KIF1A: variants seen among roughly 807,000 people sequenced by gnomAD.
The protein encoded by KIF1A is kinesin family member 1A.
A neutral mutation model predicts 227.3 loss-of-function variants in KIF1A; 46 were observed. That is an observed-to-expected ratio of 0.20 (90% confidence interval 0.16 to 0.26). KIF1A has a LOEUF of 0.26. Ranked by LOEUF, KIF1A falls within the 10% of genes least tolerant of loss-of-function variation. The pLI is 1.00. For synonymous variants in KIF1A, 1,022 were observed against 1,012.8 expected (o/e 1.01, Z -0.17); for missense variants, 1,683 against 2,485.9 (o/e 0.68, Z 6.87).
chr2:240,767,063 AT>A, intron 18 of KIF1A, 42 bp from the exon 19 acceptor site: 1 of 1,488,108 alleles, frequency 6.7e-7, no homozygotes, highest in East Asian at 2.3e-5. Context: ...CTGGGACCCA[AT>A]ACACCCAGGA....
rs898410979 is a variant in KIF1A, at chr2:240,717,536, C to T, written c.5334-130G>A. On this transcript the variant is annotated intron_variant, in intron 48 of 48. Coordinates refer to ENST00000498729, the MANE Select transcript of KIF1A (RefSeq NM_001244008.2). Reference sequence around the variant, plus strand: ...CCCATGTCCCCGCTGGTTCCCTCACCACCTGGGGAAGGGACTGAATCTCTG... The same window carrying T: ...CCCATGTCCCCGCTGGTTCCCTCACTACCTGGGGAAGGGACTGAATCTCTG... 19 of 788,096 alleles carry T rather than the reference C, an allele frequency of 2.4e-5. No individual in the cohort carries two copies. The African/African-American group carries it at 3.0e-4, about 13-fold the overall frequency. 48.8% of individuals were successfully genotyped at this position (788,096 alleles called of 1,614,324 possible). A position where few individuals can be genotyped will look rare whatever the true frequency, so the allele number is the denominator to read the frequency against.
At chr2:240,809,695 G>C (rs2057708838) in intron 1 of KIF1A, among the ~76,000 whole-genome samples, 1 of 142,274 alleles carries the variant, frequency 7.0e-6, no homozygotes, top group African/African-American at 2.8e-5. Flanking sequence ...TTGAGACAGA[G>C]TCTCACTCTG....
chr2:240,772,459 A>G, intron 14 of KIF1A, 111 bp downstream of exon 14: 1 of 883,598 alleles, frequency 1.1e-6, no homozygotes. Flanking sequence ...AAGGAGAAGA[A>G]AGCAGAGCAG....
chr2:240,745,042 G>A (rs1440208797), intron 32 of KIF1A, among the ~76,000 whole-genome samples: 11 of 152,204 alleles, frequency 7.2e-5, no homozygotes, highest in South Asian at 2.1e-4. Flanking sequence ...CTCTCGGGAC[G>A]TTGCCGGCAC....
chr2:240,772,628 G>C, intron 13 of KIF1A, 32 bp from the exon 14 acceptor site: 1 of 1,515,796 alleles, frequency 6.6e-7, no homozygotes, highest in Non-Finnish European at 9.0e-7. Flanking sequence ...GGGAGGGGGA[G>C]AGACAGAGAA....
At chr2:240,746,628 C>T (rs975507238) in intron 29 of KIF1A, among the ~76,000 whole-genome samples, 6 of 152,172 alleles carry the variant, frequency 3.9e-5, no homozygotes, top group Non-Finnish European at 5.9e-5. Context: ...TTCCAGGTGA[C>T]GGCACGGCCA....
At chr2:240,733,121 C>T (rs2046942393) in intron 38 of KIF1A, among the ~76,000 whole-genome samples, 1 of 151,930 alleles carries the variant, frequency 6.6e-6, no homozygotes, top group Non-Finnish European at 1.5e-5. Context: ...TGCCTTTAAT[C>T]CCACAGGATG....
intron 10 of KIF1A, among the ~76,000 whole-genome samples, chr2:240,780,594 G>A (rs1032683044): frequency 1.3e-5 from 2 of 151,696 alleles, no homozygotes; most frequent in African/African-American, 2.4e-5. Flanking sequence ...TGGCACACAC[G>A]TCCTGTCCCG....
At chr2:240,718,861 C>G (rs2044897355) in intron 47 of KIF1A, 145 bp downstream of exon 47, 1 of 656,826 alleles carries the variant, frequency 1.5e-6, no homozygotes, top group Admixed American at 3.0e-5. Context: ...GGCTGAGTCC[C>G]TGAGCCCAGC....
rs2126126546 is a variant in KIF1A, at chr2:240,793,749, A to C, written c.106+3898T>G. ...CGGGATAACAGTTAAATTTACTTTC[A>C]AATGCTTCCAATTTCTGCGTCACAG... is the stretch of plus-strand genomic sequence containing the variant. On this transcript the variant is annotated intron_variant, in intron 2 of 48. Coordinates refer to ENST00000498729, the MANE Select transcript of KIF1A (RefSeq NM_001244008.2). This position sits in a 1 kb window ranked among gnomAD's most constrained non-coding sequence, Gnocchi z 4.8. Among the ~76,000 whole-genome samples the C allele has an allele frequency of 6.6e-6, 1 of 152,308 alleles. No individual in the cohort carries two copies. Among genetic ancestry groups the C allele is most frequent in the South Asian group, 2.1e-4 (1 of 4,826 alleles).
chr2:240,791,770 C>A (rs1280486828), intron 2 of KIF1A, among the ~76,000 whole-genome samples: 2 of 152,186 alleles, frequency 1.3e-5, no homozygotes, highest in Non-Finnish European at 2.9e-5. Context: ...CAGAGGGCAG[C>A]ACAGGTGAGT....
chr2:240,788,312 TG>T lies in KIF1A; in HGVS notation c.184-83del, dbSNP rs1342740355. The T allele has an allele frequency of 3.0e-6, 4 of 1,350,864 alleles. No individual in the cohort carries two copies. The highest frequency in any genetic ancestry group is 4.2e-6 in the Non-Finnish European group (4 of 958,496). The allele number at this position is 1,350,864 out of a possible 1,614,324, so 83.7% of individuals were successfully genotyped here. ...CCATCATGTCTGCGGAGCCAGGGGATGCCCAGGGCCTCAGGGTGCCAGGGCA... is the reference window on the plus strand; with the variant it reads ...CCATCATGTCTGCGGAGCCAGGGGATCCCAGGGCCTCAGGGTGCCAGGGCA... On this transcript the variant is annotated intron_variant, in intron 3 of 48. Transcript: ENST00000498729. This position sits in a 1 kb window ranked among gnomAD's most constrained non-coding sequence, Gnocchi z 6.6.
Position 240,786,738 on chromosome 2 carries a change from T to A in KIF1A, c.430-225A>T, listed in dbSNP as rs945391616. 0.036 allele frequency among the ~76,000 whole-genome samples: 851 copies of A among 23,730 alleles called. 27 individuals carry two copies. The highest frequency in any genetic ancestry group is 0.11 in the African/African-American group (735 of 6,508). 15.6% of individuals were successfully genotyped at this position (23,730 alleles called of 152,430 possible). On this transcript the variant is annotated intron_variant, in intron 5 of 48. Transcript: ENST00000498729. The stretch of plus-strand genomic sequence containing the variant: ...CCTGAGTGAGGGGGTGGGGGCTGCC[T>A]GCTGGGCCCCTGAGTGAGAGGGTAG...
At chr2:240,761,940 C>A (rs1462740363) in intron 23 of KIF1A, among the ~76,000 whole-genome samples, 1 of 152,184 alleles carries the variant, frequency 6.6e-6, no homozygotes, top group African/African-American at 2.4e-5. Flanking sequence ...CTCTCCCCGA[C>A]CCATGCCCTG....
chr2:240,729,357 C>T (rs2046364120), intron 38 of KIF1A, among the ~76,000 whole-genome samples: 1 of 152,202 alleles, frequency 6.6e-6, no homozygotes, highest in South Asian at 2.1e-4. Flanking sequence ...ACCCCTGGGC[C>T]CCAGGATCAG....
In KIF1A at chr2:240,785,070, G is replaced by T; in HGVS notation, c.639C>A (p.Thr213=). 6.2e-7 allele frequency: 1 copy of T among 1,613,332 alleles called. No homozygotes were observed. Among genetic ancestry groups the T allele is most frequent in the Non-Finnish European group, 8.5e-7 (1 of 1,179,728 alleles). ...RTVAATNMNE[T]SSRSHAVFNI... is the part of the protein sequence containing the mutation. ...TGAAGACGGCGTGGGAGCGACTGCT[G>T]GTCTCATTCATGTTGGTGGCCGCCA... Residue 213 remains threonine, a synonymous_variant, in exon 7 of 49, where the codon ACC becomes ACA. Coordinates refer to ENST00000498729, the MANE Select transcript of KIF1A (RefSeq NM_001244008.2).
chr2:240,797,780 G>C lies in KIF1A; in HGVS notation c.-28C>G. On this transcript the variant is annotated 5_prime_UTR_variant, in exon 2 of 49. Coordinates refer to ENST00000498729, the MANE Select transcript of KIF1A (RefSeq NM_001244008.2). ...CTGTGGCCTTCGTGGGTCACTCCTC[G>C]CAGTAGTGGGAGCCCCAGTGTGGGG... The C allele has an allele frequency of 2.1e-6, 3 of 1,434,144 alleles. No individual in the cohort carries two copies. The highest frequency in any genetic ancestry group is 2.9e-6 in the Non-Finnish European group (3 of 1,027,024). The allele number at this position is 1,434,144 out of a possible 1,614,324, so 88.8% of individuals were successfully genotyped here.
chr2:240,746,198 G>A (rs2048577787), intron 29 of KIF1A, 21 bp from the exon 30 acceptor site: 2 of 1,553,166 alleles, frequency 1.3e-6, no homozygotes, highest in African/African-American at 2.7e-5. Context: ...GGGGACCAGA[G>A]TCAGAGAGAG....
At position 240,718,998 on chromosome 2, in the gene KIF1A, A is replaced by C; in HGVS notation, c.5214+8T>G. The C allele has an allele frequency of 2.5e-6, 4 of 1,596,904 alleles. No individual in the cohort carries two copies. Among genetic ancestry groups the C allele is most frequent in the Non-Finnish European group, 3.4e-6 (4 of 1,167,506 alleles). On this transcript the variant is annotated splice_region_variant and intron_variant, in intron 47 of 48. Transcript: ENST00000498729. Reference sequence around the variant, plus strand: ...TGGTGCCCGAGCCTGAGCCGGGCCCAGCCGCACCTTGAGCATAGCCTGCTG... The same window carrying C: ...TGGTGCCCGAGCCTGAGCCGGGCCCCGCCGCACCTTGAGCATAGCCTGCTG...
Sources: gnomAD v4.1 joint callset for allele counts (sites outside exome capture counted in the v4.1 genomes callset) on GRCh38, gnomAD v4.1.1 for gene constraint, Gnocchi (gnomAD v3.1) non-coding constraint, MANE v1.5 for transcripts, NCBI Gene and HGNC (gene_info 2026-07-23, HGNC 2026-07-21) for gene names.